The following PRLR variants were observed in gnomAD, a reference collection of about 807,000 sequenced individuals.
The protein encoded by PRLR is hPRL receptor.
A neutral mutation model predicts 40.2 loss-of-function variants in PRLR; 13 were observed. That is an observed-to-expected ratio of 0.32 (90% CI 0.21 to 0.51). The LOEUF (loss-of-function observed/expected upper bound fraction) is 0.51. PRLR is among the 20% of genes least tolerant of loss of function. The pLI is 0.97. For missense variants in PRLR, 656 were observed against 747.3 expected (o/e 0.88, Z 1.42); for synonymous variants, 269 against 278.7 (o/e 0.97, Z 0.35).
rs1483017737 is a variant in PRLR at position 35,060,244 on chromosome 5, G to A, written c.*4845C>T. ...TTGTTGATGAATAATTTCATTTCTT[G>A]TGGATCCTATGGTTGCTACTAACTC... On this transcript the variant is annotated 3_prime_UTR_variant, in exon 10 of 10. Coordinates refer to ENST00000618457, the MANE Select transcript of PRLR (RefSeq NM_000949.7). 1.3e-5 allele frequency: 2 copies of A among 152,116 alleles called. No homozygotes were observed. Among genetic ancestry groups the A allele is most frequent in the African/African-American group, 4.8e-5 (2 of 41,412 alleles). 9.4% of individuals were successfully genotyped at this position (152,116 alleles called of 1,614,324 possible).
chr5:35,068,930 C>G (rs1561265008), intron 7 of PRLR, 52 bp from the exon 8 acceptor site: 2 of 1,339,856 alleles, frequency 1.5e-6, no homozygotes, highest in Non-Finnish European at 1.1e-6. Context: ...TCATTAAAAA[C>G]AAACCAACCT....
intron 8 of PRLR, 141 bp downstream of exon 8, chr5:35,068,638 A>T (rs1032177236): frequency 1.4e-6 from 1 of 696,156 alleles, no homozygotes; most frequent in Admixed American, 2.9e-5. Context: ...CTGATAAAAG[A>T]TTTTTTTTAT....
intron 5 of PRLR, among the ~76,000 whole-genome samples, chr5:35,079,121 G>A (rs772130124): frequency 1.3e-5 from 2 of 152,134 alleles, no homozygotes; most frequent in South Asian, 4.1e-4. Context: ...GGCAAAAACA[G>A]GAAGCATTCC....
At chr5:35,212,294 A>C (rs925346913) in intron 1 of PRLR, among the ~76,000 whole-genome samples, 1 of 152,228 alleles carries the variant, frequency 6.6e-6, no homozygotes, top group Non-Finnish European at 1.5e-5. Context: ...GAATTTTAGA[A>C]AGCTGGTGAG....
At chr5:35,187,105 T>G (rs1447393576) in intron 1 of PRLR, among the ~76,000 whole-genome samples, 1 of 152,062 alleles carries the variant, frequency 6.6e-6, no homozygotes, top group Non-Finnish European at 1.5e-5. Flanking sequence ...GAGTGCCTAC[T>G]TCAGAAGGGT....
intron 2 of PRLR, among the ~76,000 whole-genome samples, chr5:35,110,588 T>C (rs1162547163): frequency 2.0e-5 from 3 of 152,154 alleles, no homozygotes; most frequent in African/African-American, 7.2e-5. Flanking sequence ...CAAGCAATCC[T>C]GCAATCAGCA....
chr5:35,067,531 AC>A (rs1346882652), intron 9 of PRLR, among the ~76,000 whole-genome samples: 1 of 152,200 alleles, frequency 6.6e-6, no homozygotes, highest in Non-Finnish European at 1.5e-5. Flanking sequence ...ACACTGTCAG[AC>A]CCAGAGCAGC....
chr5:35,129,669 A>AT (rs398050398), intron 1 of PRLR, among the ~76,000 whole-genome samples: 31,436 of 146,628 alleles, frequency 0.21, 5,971 homozygotes, highest in African/African-American at 0.52. Flanking sequence ...ACTGTAATCA[A>AT]TTTTTTTTTT....
chr5:35,179,490 C>T lies in PRLR; in HGVS notation c.-106+50778G>A, dbSNP rs572693432. ...TGCTCTCATGAAGCTCCCAATTCAGCATGGTGGGACAACAATAAGCAAGTG... is the reference window on the plus strand; with the variant it reads ...TGCTCTCATGAAGCTCCCAATTCAGTATGGTGGGACAACAATAAGCAAGTG... On this transcript the variant is annotated intron_variant, in intron 1 of 9. Transcript: ENST00000618457. Among the ~76,000 whole-genome samples the T allele has an allele frequency of 7.9e-4, 120 of 152,296 alleles. 2 individuals carry two copies. Among genetic ancestry groups the T allele is most frequent in the East Asian group, 1.9e-4 (1 of 5,192 alleles).
chr5:35,223,829 G>A (rs1255007740), intron 1 of PRLR, among the ~76,000 whole-genome samples: 1 of 152,150 alleles, frequency 6.6e-6, no homozygotes, highest in East Asian at 1.9e-4. Context: ...TTTCCCCGTG[G>A]AGTCTAGCAT....
chr5:35,207,906 C>T (rs975095043), intron 1 of PRLR, among the ~76,000 whole-genome samples: 5 of 152,070 alleles, frequency 3.3e-5, no homozygotes, highest in Non-Finnish European at 5.9e-5. Context: ...CCAGTTTAGA[C>T]GTTTCATTAA....
At chr5:35,088,413 A>T (rs1770995350) in intron 3 of PRLR, among the ~76,000 whole-genome samples, 1 of 152,200 alleles carries the variant, frequency 6.6e-6, no homozygotes, top group Non-Finnish European at 1.5e-5. Flanking sequence ...AAAAAGTTTA[A>T]AGCCTATGGT....
chr5:35,126,325 T>G (rs1319212231), intron 1 of PRLR, among the ~76,000 whole-genome samples: 1 of 152,196 alleles, frequency 6.6e-6, no homozygotes, highest in Non-Finnish European at 1.5e-5. Context: ...GCTGGGAAGA[T>G]TATAGCATTG....
Position 35,133,285 on chromosome 5 carries a change from G to A in PRLR, c.-105-15163C>T, listed in dbSNP as rs562451344. On this transcript the variant is annotated intron_variant, in intron 1 of 9. Transcript: ENST00000618457. ...AATAGGACTTCTTGCCTCCATAATC[G>A]TGTGAGCCAATTTCCATAATAAATC... Among the ~76,000 whole-genome samples, 35 of 151,980 alleles carry A rather than the reference G, an allele frequency of 2.3e-4. No homozygotes were observed. In the South Asian group the frequency reaches 5.8e-3, roughly 25 times the overall value.
intron 1 of PRLR, among the ~76,000 whole-genome samples, chr5:35,224,217 T>C (rs1279126087): frequency 1.3e-5 from 2 of 152,226 alleles, no homozygotes; most frequent in South Asian, 4.1e-4. Context: ...TGTGCCTCTG[T>C]ACTTTCTCCC....
At chr5:35,166,697 T>C (rs1774843878) in intron 1 of PRLR, among the ~76,000 whole-genome samples, 2 of 152,148 alleles carry the variant, frequency 1.3e-5, no homozygotes, top group South Asian at 4.1e-4. Context: ...AGACTTATTC[T>C]TAGATAAAAA....
At chr5:35,132,125 G>C (rs1190868788) in intron 1 of PRLR, among the ~76,000 whole-genome samples, 1 of 152,040 alleles carries the variant, frequency 6.6e-6, no homozygotes, top group African/African-American at 2.4e-5. Flanking sequence ...TCTCTCTCAG[G>C]GTTTCTATTT....
At chr5:35,108,087 C>T (rs144648364) in intron 2 of PRLR, among the ~76,000 whole-genome samples, 1,969 of 152,158 alleles carry the variant, frequency 0.013, 25 homozygotes, top group Non-Finnish European at 0.018. Context: ...AATCAATAAA[C>T]GTAATCCAGC....
intron 1 of PRLR, among the ~76,000 whole-genome samples, chr5:35,128,643 G>T (rs1052264711): frequency 6.6e-6 from 1 of 151,922 alleles, no homozygotes; most frequent in Non-Finnish European, 1.5e-5. Context: ...TCACAATAAA[G>T]CTGCTTAAAA....
Sources: allele counts gnomAD v4.1 joint callset (sites outside exome capture counted in the v4.1 genomes callset), GRCh38; gene constraint gnomAD v4.1.1; transcripts MANE v1.5; gene names NCBI Gene and HGNC (gene_info 2026-07-23, HGNC 2026-07-21).